The following MROH2A variants were observed in gnomAD, a reference collection of about 807,000 sequenced individuals.
MROH2A encodes the protein maestro heat-like repeat-containing protein family member 2A.
Under a neutral mutation model 200.4 loss-of-function variants are expected in MROH2A, and 174 were observed. The ratio of observed to expected loss-of-function variants is 0.87; its 90% CI spans 0.77 to 0.98. The LOEUF is 0.98. Ranked by LOEUF, MROH2A falls within the 50% of genes least tolerant of loss-of-function variation. The pLI, the probability that MROH2A is intolerant of heterozygous loss-of-function variation, is 0.00. For missense variants in MROH2A, 2,045 were observed against 2,139.6 expected (o/e 0.96, Z 0.87); for synonymous variants, 829 against 840.4 (o/e 0.99, Z 0.23).
At position 233,799,729 on chromosome 2, in the gene MROH2A, G is replaced by T. The variant is rs975433787; in HGVS notation, c.1330-51G>T. 7.8e-6 allele frequency: 12 copies of T among 1,547,440 alleles called. No individual in the cohort carries two copies. In the Admixed American group the frequency reaches 1.4e-4, roughly 18 times the overall value. ...AGCTCTCTATGTCACAGGATTGGGT[G>T]CCTTGGAGCCCACCCCAACCCCCAG... On this transcript the variant is annotated intron_variant, in intron 12 of 41. Coordinates refer to ENST00000389758, the MANE Select transcript of MROH2A (RefSeq NM_001394639.1).
intron 5 of MROH2A, among the ~76,000 whole-genome samples, chr2:233,790,346 C>T (rs1324625764): frequency 6.7e-6 from 1 of 149,618 alleles, no homozygotes; most frequent in East Asian, 2.0e-4. Flanking sequence ...CTTACTTACT[C>T]CTTCCTCTCC....
rs759263241 is a variant in MROH2A, at chr2:233,796,294, G to A, written c.1233G>A (p.Arg411=). ...GCGTGGGGACTCTGAATCTGATTAGGGCTATAGTGAGCGCAGATGGTGAGC... is the reference window on the plus strand; with the variant it reads ...GCGTGGGGACTCTGAATCTGATTAGAGCTATAGTGAGCGCAGATGGTGAGC... ...AVRVGTLNLI[R]AIVSADEPRM... Residue 411 remains arginine (R), a synonymous_variant, in exon 11 of 42, where the codon AGG becomes AGA. Transcript: ENST00000389758. 2 of 1,311,498 alleles carry A rather than the reference G, an allele frequency of 1.5e-6. No homozygotes were observed. The highest frequency in any genetic ancestry group is 1.0e-6 in the Non-Finnish European group (1 of 997,460). The allele number at this position is 1,311,498 out of a possible 1,614,324, so 81.2% of individuals were successfully genotyped here.
At chr2:233,800,033 CAG>C in intron 13 of MROH2A, 134 bp downstream of exon 13, 1 of 1,272,478 alleles carries the variant, frequency 7.9e-7, no homozygotes. Context: ...TTCATAGACA[CAG>C]TGAACCTGCA....
rs1388582008 is a variant in MROH2A, at chr2:233,787,690, TTA to T, written c.277-1799_277-1798del. Among the ~76,000 whole-genome samples, 60 of 70,512 alleles carry T rather than the reference TTA, an allele frequency of 8.5e-4. 11 individuals are homozygous for T. The highest frequency in any genetic ancestry group is 8.2e-4 in the Non-Finnish European group (35 of 42,658). The allele number at this position is 70,512 out of a possible 152,430, so 46.3% of individuals were successfully genotyped here. On this transcript the variant is annotated intron_variant, in intron 3 of 41. Transcript: ENST00000389758. Reference sequence around the variant, plus strand: ...TATATATATTATATATACATATATATTATATATATCATATAAACATATATATT... The same window carrying T: ...TATATATATTATATATACATATATATTATATATCATATAAACATATATATT...
chr2:233,822,187 C>T lies in MROH2A; in HGVS notation c.3576C>T (p.His1192=). The T allele has an allele frequency of 1.3e-6, 2 of 1,549,708 alleles. No homozygotes were observed. Among genetic ancestry groups the T allele is most frequent in the South Asian group, 2.4e-5 (2 of 84,070 alleles). ...TGCCCTTCGCCCGGACCATGCTCCA[C>T]AGCCTGATGGGCCGGCTGCAGTCAC... is the stretch of plus-strand genomic sequence containing the variant. The part of the protein sequence containing the change: ...ENVPFARTML[H]SLMGRLQSRL... Residue 1192 remains histidine, a synonymous_variant, in exon 32 of 42, where the codon CAC becomes CAT. Transcript: ENST00000389758.
rs1446108189 is a variant in MROH2A, at chr2:233,823,537, C to T, written c.4005-19C>T. 6.5e-7 allele frequency: 1 copy of T among 1,547,596 alleles called. No individual in the cohort carries two copies. The highest frequency in any genetic ancestry group is 8.7e-7 in the Non-Finnish European group (1 of 1,145,440). Reference sequence around the variant, plus strand: ...GGGTGGGGCCGCCTCCACGACCTGGCACTGTCTCTCCTCTGCAGGCTGTGC... The same window carrying T: ...GGGTGGGGCCGCCTCCACGACCTGGTACTGTCTCTCCTCTGCAGGCTGTGC... On this transcript the variant is annotated intron_variant, in intron 34 of 41. Coordinates refer to ENST00000389758, the MANE Select transcript of MROH2A (RefSeq NM_001394639.1).
intron 15 of MROH2A, 83 bp downstream of exon 15, chr2:233,802,398 C>T: frequency 5.0e-6 from 7 of 1,407,838 alleles, no homozygotes; most frequent in Non-Finnish European, 6.7e-6. Flanking sequence ...TCTCCACATT[C>T]CTCCCACCCT....
rs377483834 is a variant in MROH2A at position 233,779,856 on chromosome 2, G to A, written c.276+4G>A. The A allele has an allele frequency of 1.7e-4, 263 of 1,548,706 alleles. 1 individual carries two copies. In the African/African-American group the frequency reaches 3.2e-3, roughly 19 times the overall value. ...CCGCTGCCTGCAGGTGCCAGAGGTAGGGCCATCTTACCCACTGGGCTCAGC... is the reference window on the plus strand; with the variant it reads ...CCGCTGCCTGCAGGTGCCAGAGGTAAGGCCATCTTACCCACTGGGCTCAGC... On this transcript the variant is annotated splice_donor_region_variant and intron_variant, in intron 3 of 41. Transcript: ENST00000389758.
At chr2:233,831,888 G>T (rs1338491083) in intron 39 of MROH2A, among the ~76,000 whole-genome samples, 1 of 152,184 alleles carries the variant, frequency 6.6e-6, no homozygotes, top group Non-Finnish European at 1.5e-5. Context: ...TTAAAACCCA[G>T]GGGGCACTTT....
chr2:233,787,995 TTATA>T (rs1259214751), intron 3 of MROH2A, among the ~76,000 whole-genome samples: 1 of 30,886 alleles, frequency 3.2e-5, no homozygotes, highest in Non-Finnish European at 5.6e-5. Flanking sequence ...TATACATATA[TTATA>T]TATATACATA....
chr2:233,824,332 A>G (rs1704161642), intron 35 of MROH2A, among the ~76,000 whole-genome samples: 1 of 150,094 alleles, frequency 6.7e-6, no homozygotes, highest in African/African-American at 2.4e-5. Flanking sequence ...TAAAAATGGG[A>G]AAATGAGTTT....
chr2:233,833,211 T>G lies in MROH2A; in HGVS notation c.4977T>G (p.Asp1659Glu). Reference sequence around the variant, plus strand: ...CCCTGGAGACGCTCACAGTCTTGGATAGCTGTAGTCAGCATGGGTTTCTGG... The same window carrying G: ...CCCTGGAGACGCTCACAGTCTTGGAGAGCTGTAGTCAGCATGGGTTTCTGG... ...RAALETLTVLDSCSQHGFLAS... is the reference protein window; with the variant it reads ...RAALETLTVLESCSQHGFLAS... The change falls in exon 42 of 42, where the codon GAT becomes GAG. Residue 1659 changes from aspartate to glutamate, a missense_variant. Asp to Glu is a conservative substitution (Grantham distance 45). Coordinates refer to ENST00000389758, the MANE Select transcript of MROH2A (RefSeq NM_001394639.1). The G allele has an allele frequency of 1.3e-6, 2 of 1,550,502 alleles. No homozygotes were observed. The highest frequency in any genetic ancestry group is 2.4e-5 in the South Asian group (2 of 84,054).
intron 6 of MROH2A, 73 bp downstream of exon 6, chr2:233,792,967 G>A: frequency 7.1e-7 from 1 of 1,408,482 alleles, no homozygotes; most frequent in Admixed American, 2.0e-5. Context: ...GTAAGGAGCA[G>A]ATGGAGGGGT....
chr2:233,813,545 C>G, intron 24 of MROH2A, 125 bp from the exon 25 acceptor site: 1 of 621,540 alleles, frequency 1.6e-6, no homozygotes. Flanking sequence ...TTGCCAGAGC[C>G]TCCAACTGGA....
In MROH2A at chr2:233,788,164, C is replaced by T. The variant is rs1414006418; in HGVS notation, c.277-1333C>T. 3.3e-3 allele frequency among the ~76,000 whole-genome samples: 361 copies of T among 111,014 alleles called. 1 individual carries two copies. The highest frequency in any genetic ancestry group is 5.0e-3 in the Non-Finnish European group (287 of 57,900). The allele number at this position is 111,014 out of a possible 152,430, so 72.8% of individuals were successfully genotyped here. ...ATATATAATATATATTTTATATATACATATACATATATTATATATATACAC... is the reference window on the plus strand; with the variant it reads ...ATATATAATATATATTTTATATATATATATACATATATTATATATATACAC... On this transcript the variant is annotated intron_variant, in intron 3 of 41. Coordinates refer to ENST00000389758, the MANE Select transcript of MROH2A (RefSeq NM_001394639.1).
At chr2:233,832,884 T>C (rs1436160470) in intron 41 of MROH2A, among the ~76,000 whole-genome samples, 1 of 152,190 alleles carries the variant, frequency 6.6e-6, no homozygotes, top group East Asian at 1.9e-4. Context: ...TCTTATGAAA[T>C]GCTTTTGGCC....
chr2:233,802,447 A>T, intron 15 of MROH2A, 132 bp downstream of exon 15: 2 of 986,504 alleles, frequency 2.0e-6, no homozygotes, highest in Non-Finnish European at 3.0e-6. Flanking sequence ...GTCCAAATTA[A>T]TACTATTAAT....
At chr2:233,786,281 C>G (rs896699611) in intron 3 of MROH2A, among the ~76,000 whole-genome samples, 1 of 152,198 alleles carries the variant, frequency 6.6e-6, no homozygotes, top group South Asian at 2.1e-4. Flanking sequence ...ATTAGCAATG[C>G]GAGAACAGAC....
Position 233,779,760 on chromosome 2 carries a change from A to C in MROH2A, c.184A>C (p.Lys62Gln), listed in dbSNP as rs1342564058. 5.8e-6 allele frequency: 9 copies of C among 1,550,828 alleles called. No homozygotes were observed. In the Admixed American group the frequency reaches 1.6e-4, roughly 27 times the overall value. Residue 62 changes from lysine to glutamine, a missense_variant, in exon 3 of 42, where the codon AAG (lysine) becomes CAG (glutamine). Around this residue, in one of 3 missense-constraint regions of MROH2A, gnomAD observed 831 missense variants for 800.0 expected, o/e 1.04. Transcript: ENST00000389758. ...AACAGGGGCAGGCCTTGACATGCGG[A>C]AGACCCTGGCCTCGGTGATAATCAT... ...DTTGAGLDMR[K>Q]TLASVIIMEK...
Sources: gnomAD v4.1 joint callset for allele counts (sites outside exome capture counted in the v4.1 genomes callset) on GRCh38, gnomAD v4.1.1 for gene constraint, gnomAD v4.1.1 regional missense constraint, MANE v1.5 for transcripts, NCBI Gene and HGNC (gene_info 2026-07-23, HGNC 2026-07-21) for gene names.